CSMD1: variants seen among roughly 807,000 people sequenced by gnomAD.
CSMD1 encodes the protein CUB and sushi domain-containing protein 1.
Under a neutral mutation model 417.5 loss-of-function variants are expected in CSMD1, and 213 were observed. The observed-to-expected ratio is 0.51, with a 90% CI of 0.46 to 0.57. CSMD1 has a LOEUF of 0.57. CSMD1 is among the 20% of genes least tolerant of loss of function. CSMD1 has a pLI of 0.00. For synonymous variants in CSMD1, 2,862 were observed against 1,736.8 expected, an observed-to-expected ratio of 1.65 and a Z score of -16.11; for missense variants, 6,923 against 4,529.7, an observed-to-expected ratio of 1.53 and a Z score of -15.17.
At chr8:4,236,196 T>C (rs1802048980) in intron 3 of CSMD1, among the ~76,000 whole-genome samples, 1 of 152,108 alleles carries the variant, frequency 6.6e-6, no homozygotes, top group Admixed American at 6.6e-5. Context: ...ACACATGATG[T>C]ACGTCTGCGG....
chr8:3,871,013 TA>T (rs989290103), intron 5 of CSMD1, among the ~76,000 whole-genome samples: 41 of 152,154 alleles, frequency 2.7e-4, no homozygotes, highest in Middle Eastern at 3.4e-3. Flanking sequence ...ATAATTTTTT[TA>T]AAAAAATTCA....
intron 1 of CSMD1, among the ~76,000 whole-genome samples, chr8:4,767,224 G>A (rs1467373498): frequency 6.6e-6 from 1 of 152,186 alleles, no homozygotes; most frequent in African/African-American, 2.4e-5. Flanking sequence ...GATGTACACT[G>A]TCGAGTCCCA....
intron 3 of CSMD1, among the ~76,000 whole-genome samples, chr8:4,352,641 C>G (rs754358311): frequency 5.3e-5 from 8 of 152,212 alleles, no homozygotes; most frequent in African/African-American, 1.9e-4. Context: ...AGGAGCTTAA[C>G]AGCATACTAT....
At chr8:3,177,247 G>A (rs766201136) in intron 37 of CSMD1, among the ~76,000 whole-genome samples, 4 of 152,142 alleles carry the variant, frequency 2.6e-5, no homozygotes, top group Admixed American at 6.5e-5. Context: ...GCAGACGCAT[G>A]GGGAGTGTGC....
At chr8:4,011,885 A>G (rs1388369624) in intron 4 of CSMD1, among the ~76,000 whole-genome samples, 1 of 152,144 alleles carries the variant, frequency 6.6e-6, no homozygotes, top group Non-Finnish European at 1.5e-5. Flanking sequence ...CAAGTCCCTT[A>G]TATAAAATGG....
chr8:3,604,219 A>T (rs1445974471), intron 8 of CSMD1, among the ~76,000 whole-genome samples: 1 of 152,156 alleles, frequency 6.6e-6, no homozygotes, highest in Non-Finnish European at 1.5e-5. Context: ...GCTTAGTGAA[A>T]TCAAATTGGA....
intron 2 of CSMD1, among the ~76,000 whole-genome samples, chr8:4,494,897 G>A (rs77899519): frequency 1.3e-3 from 200 of 152,148 alleles, no homozygotes; most frequent in Non-Finnish European, 2.4e-3. Flanking sequence ...AATTCTCATT[G>A]TTAGGACAAA....
At chr8:3,123,233 C>A (rs1022380044) in intron 41 of CSMD1, among the ~76,000 whole-genome samples, 1 of 152,132 alleles carries the variant, frequency 6.6e-6, no homozygotes, top group Non-Finnish European at 1.5e-5. Context: ...TCGTGTGGCT[C>A]CCTGGGCCAA....
intron 49 of CSMD1, among the ~76,000 whole-genome samples, chr8:3,058,708 T>A (rs1256040612): frequency 6.6e-6 from 1 of 151,898 alleles, no homozygotes; most frequent in Non-Finnish European, 1.5e-5. Context: ...TTTGAGACTC[T>A]ACTTTTCTAA....
intron 3 of CSMD1, among the ~76,000 whole-genome samples, chr8:4,413,463 C>T (rs990283974): frequency 1.3e-5 from 2 of 152,168 alleles, no homozygotes; most frequent in Non-Finnish European, 2.9e-5. Context: ...ACTTGATTGT[C>T]TTAAAGCTGT....
chr8:3,753,911 T>C lies in CSMD1; in HGVS notation c.931+19A>G. On this transcript the variant is annotated intron_variant, in intron 6 of 69. Coordinates refer to ENST00000635120, the MANE Select transcript of CSMD1 (RefSeq NM_033225.6). ...TACGCTCTGTTTTTTTTTTTTCTTA[T>C]AAGATGGAGCATCCTTACCTTGGAA... 6.5e-7 allele frequency: 1 copy of C among 1,527,470 alleles called. No individual in the cohort carries two copies. The highest frequency in any genetic ancestry group is 9.0e-7 in the Non-Finnish European group (1 of 1,107,062). The allele number at this position is 1,527,470 out of a possible 1,614,324, so 94.6% of individuals were successfully genotyped here.
chr8:4,930,970 T>C (rs11136804), intron 1 of CSMD1, among the ~76,000 whole-genome samples: 7,930 of 152,238 alleles, frequency 0.052, 249 homozygotes, highest in African/African-American at 0.078. Context: ...GGAACTTTGA[T>C]TTAAAAATAA....
chr8:4,509,643 G>A (rs1802711463), intron 2 of CSMD1, among the ~76,000 whole-genome samples: 1 of 152,124 alleles, frequency 6.6e-6, no homozygotes, highest in Non-Finnish European at 1.5e-5. Flanking sequence ...AGTTCTTTGT[G>A]AGGAGGAACA....
chr8:4,985,185 G>T (rs1263594412), intron 1 of CSMD1, among the ~76,000 whole-genome samples: 1 of 152,172 alleles, frequency 6.6e-6, no homozygotes, highest in East Asian at 1.9e-4. Context: ...ACATAGAAGG[G>T]AACAACACAC....
At chr8:4,469,150 C>T (rs765631695) in intron 2 of CSMD1, among the ~76,000 whole-genome samples, 1 of 152,124 alleles carries the variant, frequency 6.6e-6, no homozygotes, top group Non-Finnish European at 1.5e-5. Flanking sequence ...TGGAAGAAGG[C>T]ACTACTTACT....
rs560002591 is a variant in CSMD1 at position 3,457,134 on chromosome 8, G to A, written c.1561+11578C>T. Among the ~76,000 whole-genome samples, 51 of 150,152 alleles carry A rather than the reference G, an allele frequency of 3.4e-4. 2 individuals are homozygous for A. Among genetic ancestry groups the A allele is most frequent in the South Asian group, 2.5e-3 (12 of 4,716 alleles). On this transcript the variant is annotated intron_variant, in intron 12 of 69. Coordinates refer to ENST00000635120, the MANE Select transcript of CSMD1 (RefSeq NM_033225.6). ...ATCCCTCACCCAGGCCTCTCCTCCC[G>A]TACTCGTCACTGAACACCTCATCCT...
At chr8:4,367,835 G>C (rs1040957728) in intron 3 of CSMD1, among the ~76,000 whole-genome samples, 1 of 152,110 alleles carries the variant, frequency 6.6e-6, no homozygotes, top group Non-Finnish European at 1.5e-5. Flanking sequence ...AAATAGGATT[G>C]TGTTCTTAAT....
intron 10 of CSMD1, among the ~76,000 whole-genome samples, chr8:3,558,853 G>A (rs1265521767): frequency 6.6e-6 from 1 of 152,142 alleles, no homozygotes. Context: ...TGTCTCAGTA[G>A]TACCCCATGT....
intron 1 of CSMD1, among the ~76,000 whole-genome samples, chr8:4,677,588 A>C (rs1443657378): frequency 6.6e-6 from 1 of 152,182 alleles, no homozygotes; most frequent in East Asian, 1.9e-4. Flanking sequence ...GTGCCTAAGT[A>C]ATTTTTCTTT....
Sources: allele counts gnomAD v4.1 joint callset (sites outside exome capture counted in the v4.1 genomes callset), GRCh38; gene constraint gnomAD v4.1.1; transcripts MANE v1.5; gene names NCBI Gene and HGNC (gene_info 2026-07-23, HGNC 2026-07-21).